Variants in SEMA6D observed in about 807,000 individuals in gnomAD.
The protein encoded by SEMA6D is semaphorin-6D.
SEMA6D carries 35 observed loss-of-function variants against 106.6 expected under a neutral mutation model. The ratio of observed to expected loss-of-function variants is 0.33; its 90% CI spans 0.25 to 0.44. The LOEUF (loss-of-function observed/expected upper bound fraction) is 0.44. Among genes scored for constraint, SEMA6D ranks in the 20% least tolerant of loss-of-function variants. The pLI is 1.00. For missense variants in SEMA6D, 1,185 were observed against 1,345.9 expected (o/e 0.88, Z 1.87); for synonymous variants, 499 against 487.7 (o/e 1.02, Z -0.31).
intron 4 of SEMA6D, among the ~76,000 whole-genome samples, chr15:47,633,065 A>G (rs775910820): frequency 2.0e-5 from 3 of 152,140 alleles, no homozygotes; most frequent in East Asian, 1.9e-4. Context: ...CTTTTAAAAC[A>G]TAATTACCTT....
intron 4 of SEMA6D, among the ~76,000 whole-genome samples, chr15:47,657,126 A>G (rs757955842): frequency 3.3e-5 from 5 of 152,226 alleles, no homozygotes; most frequent in Non-Finnish European, 7.3e-5. Context: ...AGTTTGATTC[A>G]TTTTCCTTTA....
chr15:47,655,769 T>A (rs2077780544), intron 4 of SEMA6D, among the ~76,000 whole-genome samples: 1 of 152,234 alleles, frequency 6.6e-6, no homozygotes, highest in Non-Finnish European at 1.5e-5. Context: ...AAAACTCAAA[T>A]ACAGTTAATC....
chr15:47,673,121 C>G (rs1247864310), intron 4 of SEMA6D, among the ~76,000 whole-genome samples: 1 of 152,006 alleles, frequency 6.6e-6, no homozygotes, highest in Non-Finnish European at 1.5e-5. Context: ...GAGAAAATCC[C>G]CCAAAGGCCA....
chr15:47,609,947 G>A (rs1387132173), intron 4 of SEMA6D, among the ~76,000 whole-genome samples: 1 of 152,192 alleles, frequency 6.6e-6, no homozygotes, highest in Non-Finnish European at 1.5e-5. Context: ...TGTGTGCTCT[G>A]TTCTGCCTAA....
chr15:47,720,692 C>G (rs1386097874), intron 1 of SEMA6D, among the ~76,000 whole-genome samples: 2 of 152,146 alleles, frequency 1.3e-5, no homozygotes, highest in Non-Finnish European at 2.9e-5. Context: ...ACAAAGATGG[C>G]CATAATTGCT....
intron 1 of SEMA6D, among the ~76,000 whole-genome samples, chr15:47,357,409 A>G (rs909307902): frequency 1.3e-5 from 2 of 152,284 alleles, no homozygotes; most frequent in Middle Eastern, 3.4e-3. Context: ...AAACAAAACA[A>G]AACAAAAGAG....
chr15:47,546,720 C>T (rs1000623140), intron 3 of SEMA6D, among the ~76,000 whole-genome samples: 2 of 151,802 alleles, frequency 1.3e-5, no homozygotes, highest in African/African-American at 2.4e-5. Flanking sequence ...GGGGCGTGTA[C>T]ATTTGATGTG....
At chr15:47,400,316 C>T (rs1567053295) in intron 1 of SEMA6D, among the ~76,000 whole-genome samples, 1 of 151,962 alleles carries the variant, frequency 6.6e-6, no homozygotes, top group Non-Finnish European at 1.5e-5. Context: ...AGGACAAACT[C>T]CCTTGTCTAC....
intron 1 of SEMA6D, among the ~76,000 whole-genome samples, chr15:47,732,847 T>G (rs939742780): frequency 1.3e-5 from 2 of 152,198 alleles, no homozygotes; most frequent in African/African-American, 2.4e-5. Context: ...TAGGCAGGAT[T>G]CATAAAACGA....
chr15:47,670,567 A>G (rs758638313), intron 4 of SEMA6D, among the ~76,000 whole-genome samples: 1 of 151,820 alleles, frequency 6.6e-6, no homozygotes. Flanking sequence ...TAGACTCTCA[A>G]TGAAGCTTAG....
chr15:47,552,525 TACACACACAC>T (rs144968308), intron 3 of SEMA6D, among the ~76,000 whole-genome samples: 1,337 of 130,144 alleles, frequency 0.01, 11 homozygotes, highest in Admixed American at 0.019. Flanking sequence ...TATATATGTA[TACACACACAC>T]ACACACACAC....
chr15:47,684,053 T>G (rs981577372), intron 4 of SEMA6D, among the ~76,000 whole-genome samples: 1 of 152,174 alleles, frequency 6.6e-6, no homozygotes, highest in African/African-American at 2.4e-5. Context: ...CTCAAAGGTC[T>G]TCACGTCTAA....
In SEMA6D at chr15:47,768,765, G is replaced by T; in HGVS notation, c.1933+17G>T. On this transcript the variant is annotated intron_variant, in intron 18 of 18. Transcript: ENST00000536845. ...TCCCAAAGGGTAAGGCCTCAGCAGGGACCTCATCTCTAACTGCGTGGAAAC... is the reference window on the plus strand; with the variant it reads ...TCCCAAAGGGTAAGGCCTCAGCAGGTACCTCATCTCTAACTGCGTGGAAAC... The T allele has an allele frequency of 1.2e-6, 2 of 1,605,354 alleles. No individual in the cohort carries two copies. Among genetic ancestry groups the T allele is most frequent in the South Asian group, 1.1e-5 (1 of 89,888 alleles).
At chr15:47,647,144 C>A (rs751007894) in intron 4 of SEMA6D, among the ~76,000 whole-genome samples, 1 of 152,122 alleles carries the variant, frequency 6.6e-6, no homozygotes, top group Admixed American at 6.5e-5. Flanking sequence ...GTTGTCTAAA[C>A]GTTGTAATCA....
At chr15:47,464,121 A>T (rs185168871) in intron 2 of SEMA6D, among the ~76,000 whole-genome samples, 60 of 152,220 alleles carry the variant, frequency 3.9e-4, no homozygotes, top group African/African-American at 1.4e-3. Context: ...AGGGGTTATG[A>T]TCTGGACATA....
chr15:47,603,527 C>G (rs1222123602), intron 4 of SEMA6D: 1 of 152,086 alleles, frequency 6.6e-6, no homozygotes, highest in Non-Finnish European at 1.5e-5. Flanking sequence ...AACAAGTCGC[C>G]AAAGCTAGCT....
intron 1 of SEMA6D, among the ~76,000 whole-genome samples, chr15:47,283,878 C>G (rs1197343667): frequency 6.6e-6 from 1 of 152,228 alleles, no homozygotes; most frequent in Admixed American, 6.5e-5. Flanking sequence ...CTGATCACAT[C>G]TGCTGCCGCT....
chr15:47,196,476 AG>A (rs1218193849), intron 1 of SEMA6D, among the ~76,000 whole-genome samples: 2 of 152,194 alleles, frequency 1.3e-5, no homozygotes, highest in Non-Finnish European at 2.9e-5. Context: ...GAAAAAAGAC[AG>A]CCCCCCTAAA....
intron 1 of SEMA6D, among the ~76,000 whole-genome samples, chr15:47,204,260 C>T (rs1242898229): frequency 6.6e-6 from 1 of 152,080 alleles, no homozygotes; most frequent in Non-Finnish European, 1.5e-5. Flanking sequence ...AATACAGTAT[C>T]AACAGAGACT....
Sources: gnomAD v4.1 joint callset for allele counts (sites outside exome capture counted in the v4.1 genomes callset) on GRCh38, gnomAD v4.1.1 for gene constraint, MANE v1.5 for transcripts, NCBI Gene and HGNC (gene_info 2026-07-23, HGNC 2026-07-21) for gene names.